RSPO3: variants seen among roughly 807,000 people sequenced by gnomAD.
RSPO3 encodes R-spondin-3.
In RSPO3, 17 loss-of-function variants were observed where a neutral mutation model predicts 36.5. That is an observed-to-expected ratio of 0.47 (90% confidence interval 0.32 to 0.70). RSPO3 has a LOEUF of 0.70. Among genes scored for constraint, RSPO3 ranks in the 30% least tolerant of loss-of-function variants. RSPO3 has a pLI of 0.04. For missense variants in RSPO3, 294 were observed against 322.5 expected (o/e 0.91, Z 0.68); for synonymous variants, 108 against 107.0 (o/e 1.01, Z -0.06).
At chr6:127,122,248 A>G (rs1032612883) in intron 1 of RSPO3, among the ~76,000 whole-genome samples, 1 of 152,234 alleles carries the variant, frequency 6.6e-6, no homozygotes, top group African/African-American at 2.4e-5. Context: ...ATGTTTTAAG[A>G]CAAGACCCTT....
intron 1 of RSPO3, chr6:127,120,048 C>T (rs904650601): frequency 6.6e-6 from 1 of 152,284 alleles, no homozygotes; most frequent in Non-Finnish European, 1.5e-5. Flanking sequence ...TCCCCTGGGA[C>T]ACACACGTAC....
At chr6:127,190,563 G>A (rs1374405761) in intron 4 of RSPO3, among the ~76,000 whole-genome samples, 1 of 152,058 alleles carries the variant, frequency 6.6e-6, no homozygotes, top group Non-Finnish European at 1.5e-5. Flanking sequence ...TTTATAGAAG[G>A]CATAAAGCCA....
chr6:127,123,092 T>G (rs1005708491), intron 1 of RSPO3, among the ~76,000 whole-genome samples: 1 of 152,134 alleles, frequency 6.6e-6, no homozygotes, highest in East Asian at 1.9e-4. Flanking sequence ...ATAATTTTCA[T>G]GGTAATAAAA....
At chr6:127,148,538 T>G in intron 1 of RSPO3, 110 bp from the exon 2 acceptor site, 1 of 761,130 alleles carries the variant, frequency 1.3e-6, no homozygotes, top group Non-Finnish European at 2.0e-6. Flanking sequence ...ATTCACCCAT[T>G]ACCAACAAAT....
At chr6:127,182,036 A>G (rs892156799) in intron 4 of RSPO3, among the ~76,000 whole-genome samples, 1 of 151,924 alleles carries the variant, frequency 6.6e-6, no homozygotes, top group Non-Finnish European at 1.5e-5. Flanking sequence ...GGGAACTGGC[A>G]CGTGCAGATC....
chr6:127,137,956 C>T (rs1774193942), intron 1 of RSPO3, among the ~76,000 whole-genome samples: 1 of 152,178 alleles, frequency 6.6e-6, no homozygotes, highest in Non-Finnish European at 1.5e-5. Context: ...ACCTAGAAGA[C>T]TGCTTCCAGT....
chr6:127,145,063 C>A (rs1265918904), intron 1 of RSPO3, among the ~76,000 whole-genome samples: 1 of 152,092 alleles, frequency 6.6e-6, no homozygotes, highest in Non-Finnish European at 1.5e-5. Flanking sequence ...TTAATGATTC[C>A]AAGCCAGGTT....
intron 4 of RSPO3, among the ~76,000 whole-genome samples, chr6:127,165,222 GAACAA>G (rs1281502945): frequency 6.6e-6 from 1 of 151,948 alleles, no homozygotes; most frequent in Non-Finnish European, 1.5e-5. Flanking sequence ...TATAACTCAT[GAACAA>G]AAATTATTGT....
Position 127,197,440 on chromosome 6 carries a change from C to T in RSPO3, c.*1433C>T, listed in dbSNP as rs199850432. ...GATCTCTTTAGGGGATTGAAGTCAC[C>T]CTAGCTGAAGGCCTCACCAGTGTTT... On this transcript the variant is annotated 3_prime_UTR_variant, in exon 5 of 5. Coordinates refer to ENST00000356698, the MANE Select transcript of RSPO3 (RefSeq NM_032784.5). 5.5e-5 allele frequency: 86 copies of T among 1,550,348 alleles called. No homozygotes were observed. The highest frequency in any genetic ancestry group is 7.3e-5 in the Non-Finnish European group (84 of 1,146,958).
At chr6:127,165,157 A>G (rs1774797247) in intron 4 of RSPO3, among the ~76,000 whole-genome samples, 1 of 152,076 alleles carries the variant, frequency 6.6e-6, no homozygotes. Flanking sequence ...TTCCAAAAAT[A>G]AAAGATATAG....
intron 3 of RSPO3, among the ~76,000 whole-genome samples, chr6:127,153,777 T>G (rs1774536868): frequency 6.6e-6 from 1 of 152,222 alleles, no homozygotes; most frequent in East Asian, 1.9e-4. Context: ...AAACATAGAC[T>G]TTCCTCTTCT....
intron 1 of RSPO3, among the ~76,000 whole-genome samples, chr6:127,123,429 C>T (rs1198728806): frequency 2.0e-5 from 3 of 152,184 alleles, no homozygotes; most frequent in Middle Eastern, 3.4e-3. Flanking sequence ...TTCTTTGATA[C>T]GTCGTGTAAC....
intron 4 of RSPO3, among the ~76,000 whole-genome samples, chr6:127,178,009 T>C (rs1775090802): frequency 6.6e-6 from 1 of 151,712 alleles, no homozygotes; most frequent in Admixed American, 6.6e-5. Context: ...GAAATGAGCA[T>C]GAAATGAGCC....
intron 1 of RSPO3, among the ~76,000 whole-genome samples, chr6:127,120,908 G>T (rs1429793043): frequency 6.6e-6 from 1 of 152,264 alleles, no homozygotes; most frequent in Non-Finnish European, 1.5e-5. Context: ...GGACGCGGAA[G>T]GGGAGGCCTG....
At chr6:127,121,280 A>T (rs755013747) in intron 1 of RSPO3, among the ~76,000 whole-genome samples, 18 of 152,150 alleles carry the variant, frequency 1.2e-4, no homozygotes, top group Non-Finnish European at 2.1e-4. Flanking sequence ...ACGGCGCAGG[A>T]AGCTTTCCCC....
intron 1 of RSPO3, among the ~76,000 whole-genome samples, chr6:127,146,662 T>C (rs1774389785): frequency 6.6e-6 from 1 of 152,114 alleles, no homozygotes; most frequent in African/African-American, 2.4e-5. Flanking sequence ...ATTTCAGAGA[T>C]AGGGATGGAT....
At chr6:127,125,571 G>T (rs1195489419) in intron 1 of RSPO3, among the ~76,000 whole-genome samples, 2 of 152,120 alleles carry the variant, frequency 1.3e-5, no homozygotes, top group Admixed American at 1.3e-4. Flanking sequence ...GTCACAACTA[G>T]GGAGTTAAAT....
At chr6:127,122,652 T>G (rs1189703196) in intron 1 of RSPO3, among the ~76,000 whole-genome samples, 1 of 152,200 alleles carries the variant, frequency 6.6e-6, no homozygotes, top group Non-Finnish European at 1.5e-5. Flanking sequence ...AGAGAAGATA[T>G]CAGGTTTATT....
chr6:127,165,557 TA>T, intron 4 of RSPO3, among the ~76,000 whole-genome samples: 1 of 152,150 alleles, frequency 6.6e-6, no homozygotes, highest in South Asian at 2.1e-4. Context: ...AGGGAGTTTT[TA>T]AATTTAACTT....
Sources: gnomAD v4.1 joint callset for allele counts (sites outside exome capture counted in the v4.1 genomes callset) on GRCh38, gnomAD v4.1.1 for gene constraint, MANE v1.5 for transcripts, NCBI Gene and HGNC (gene_info 2026-07-23, HGNC 2026-07-21) for gene names.